The following RANGAP1 variants were observed in gnomAD, a reference collection of about 807,000 sequenced individuals.
The protein encoded by RANGAP1 is Ran GTPase activating protein 1.
A neutral mutation model predicts 63.5 loss-of-function variants in RANGAP1; 38 were observed. The ratio of observed to expected loss-of-function variants is 0.60; its 90% CI spans 0.46 to 0.78. RANGAP1 has a LOEUF of 0.78. Ranked by LOEUF, RANGAP1 falls within the 30% of genes least tolerant of loss-of-function variation. The probability of loss-of-function intolerance (pLI) is 0.00; values close to 1 mark genes in which losing one functional copy is unlikely to be tolerated. For synonymous variants in RANGAP1, 329 were observed against 310.5 expected (o/e 1.06, Z -0.63); for missense variants, 630 against 740.3 (o/e 0.85, Z 1.73).
rs1487555584 is a variant in RANGAP1, at chr22:41,281,000, C to T, written c.45G>A (p.Lys15=). The T allele has an allele frequency of 6.2e-7, 1 of 1,612,782 alleles. No individual in the cohort carries two copies. Among genetic ancestry groups the T allele is most frequent in the African/African-American group, 1.3e-5 (1 of 75,046 alleles). ...TCAGCTGTCCCCCGGCCACCTGAGT[C>T]TTGGCAAGTGTCTCTGCCAGCTTGG... ...DIAKLAETLA[K]TQVAGGQLSF... The change falls in exon 2 of 16, where the codon AAG becomes AAA. Residue 15 remains lysine, a synonymous_variant. Coordinates refer to ENST00000356244, the MANE Select transcript of RANGAP1 (RefSeq NM_002883.4).
At chr22:41,268,251 A>T in intron 3 of RANGAP1, 95 bp from the exon 4 acceptor site, 1 of 1,076,030 alleles carries the variant, frequency 9.3e-7, no homozygotes. Context: ...CCAGAGCATC[A>T]CAAGACTTTT....
chr22:41,266,413 A>C (rs1314067270), intron 4 of RANGAP1, among the ~76,000 whole-genome samples: 1 of 152,220 alleles, frequency 6.6e-6, no homozygotes, highest in Non-Finnish European at 1.5e-5. Flanking sequence ...AACAAAAACC[A>C]AAAGAATACC....
chr22:41,251,331 GAAA>G (rs534163849), intron 12 of RANGAP1, among the ~76,000 whole-genome samples: 253 of 152,296 alleles, frequency 1.7e-3, no homozygotes, highest in Non-Finnish European at 2.8e-3. Context: ...GAACAAGGAT[GAAA>G]AATCATCCCA....
intron 12 of RANGAP1, 96 bp downstream of exon 12, chr22:41,252,776 G>A (rs937398412): frequency 4.0e-5 from 53 of 1,340,748 alleles, no homozygotes; most frequent in Non-Finnish European, 4.7e-5. Flanking sequence ...AGCTGACAGC[G>A]TCGCACCCCC....
At chr22:41,261,688 C>G in intron 5 of RANGAP1, 108 bp from the exon 6 acceptor site, 3 of 1,414,870 alleles carry the variant, frequency 2.1e-6, no homozygotes, top group South Asian at 1.2e-5. Context: ...CCCATCGGTG[C>G]AGGTCAGGGG....
rs201236093 is a variant in RANGAP1, at chr22:41,261,438, C to T, written c.615+8G>A. ...GCTGCAGGGGCAGGATGGACAGAAA[C>T]CACTCACCCTAAAAGCTTCTGCCAA... On this transcript the variant is annotated splice_region_variant and intron_variant, in intron 6 of 15. Transcript: ENST00000356244. 1 of 1,614,168 alleles carries T rather than the reference C, an allele frequency of 6.2e-7. No individual in the cohort carries two copies. Among genetic ancestry groups the T allele is most frequent in the East Asian group, 2.2e-5 (1 of 44,892 alleles).
intron 2 of RANGAP1, 48 bp from the exon 3 acceptor site, chr22:41,274,775 AG>A (rs760575669): frequency 1.2e-6 from 2 of 1,607,672 alleles, no homozygotes; most frequent in South Asian, 2.2e-5. Context: ...AATCACAAAC[AG>A]CTAAGATAGG....
intron 4 of RANGAP1, among the ~76,000 whole-genome samples, 162 bp downstream of exon 4, chr22:41,267,935 A>C (rs920631145): frequency 6.6e-6 from 1 of 152,092 alleles, no homozygotes; most frequent in Non-Finnish European, 1.5e-5. Flanking sequence ...CCCTCCTGTC[A>C]GGACACAGGG....
chr22:41,254,438 T>TCTGGTTCCTCTTCTTCCTCTTCTC lies in RANGAP1; in HGVS notation c.1129_1130insGAGAAGAGGAAGAAGAGGAACCAG (p.Ala376_Glu377insGlyGluGluGluGluGluGluPro), dbSNP rs1428857945. On this transcript the variant is annotated inframe_insertion, in exon 11 of 16. Coordinates refer to ENST00000356244, the MANE Select transcript of RANGAP1 (RefSeq NM_002883.4). Reference sequence around the variant, plus strand: ...TTCCTCATCTTCCTCCTCCTCTTCTTCTGCTTCCTCTTCTTCCTCTTCTCC... The same window carrying TCTGGTTCCTCTTCTTCCTCTTCTC: ...TTCCTCATCTTCCTCCTCCTCTTCTTCTGGTTCCTCTTCTTCCTCTTCTCCTGCTTCCTCTTCTTCCTCTTCTCC... 6.2e-7 allele frequency: 1 copy of TCTGGTTCCTCTTCTTCCTCTTCTC among 1,612,018 alleles called. No homozygotes were observed. Among genetic ancestry groups the TCTGGTTCCTCTTCTTCCTCTTCTC allele is most frequent in the Admixed American group, 1.7e-5 (1 of 59,944 alleles).
intron 10 of RANGAP1, 182 bp from the exon 11 acceptor site, chr22:41,254,676 C>CA (rs2033705324): frequency 6.1e-6 from 6 of 981,650 alleles, no homozygotes; most frequent in Non-Finnish European, 6.0e-6. Context: ...GCTGTGGACA[C>CA]AAAAAAATAA....
At chr22:41,297,146 A>T in the RANGAP1 span, among the ~76,000 whole-genome samples, 4 of 152,194 alleles carry the variant, frequency 2.6e-5, no homozygotes, top group Non-Finnish European at 5.9e-5. Flanking sequence ...TGGGAGGTGG[A>T]GGTTGCAGTG....
At chr22:41,294,602 G>A in the RANGAP1 span, among the ~76,000 whole-genome samples, 1 of 145,440 alleles carries the variant, frequency 6.9e-6, no homozygotes, top group Non-Finnish European at 1.5e-5. Flanking sequence ...CATCTAGGAA[G>A]TGAGGAGCGC....
chr22:41,296,336 A>T, the RANGAP1 span, among the ~76,000 whole-genome samples: 1 of 152,104 alleles, frequency 6.6e-6, no homozygotes. Flanking sequence ...ACTGATTATG[A>T]ATTTAAAAAC....
At chr22:41,298,557 C>T in the RANGAP1 span, among the ~76,000 whole-genome samples, 1 of 151,562 alleles carries the variant, frequency 6.6e-6, no homozygotes, top group African/African-American at 2.4e-5. Flanking sequence ...TCAGGTGATC[C>T]GCCCACCTTG....
chr22:41,284,075 G>A (rs1054223481), intron 1 of RANGAP1, among the ~76,000 whole-genome samples: 2 of 151,438 alleles, frequency 1.3e-5, no homozygotes, highest in Non-Finnish European at 2.9e-5. Flanking sequence ...GGTGAAACCC[G>A]TCTCCACTAA....
upstream of RANGAP1, among the ~76,000 whole-genome samples, chr22:41,290,711 T>C (rs1050976811): frequency 6.6e-6 from 1 of 152,200 alleles, no homozygotes; most frequent in Non-Finnish European, 1.5e-5. Context: ...TTTACTTAAC[T>C]GAGTGTTTTA....
At chr22:41,286,461 C>A (rs896609004), upstream of RANGAP1, among the ~76,000 whole-genome samples, 1 of 152,232 alleles carries the variant, frequency 6.6e-6, no homozygotes, top group Non-Finnish European at 1.5e-5. Flanking sequence ...GGTGTTCAGC[C>A]GGGAGCGCCC....
At chr22:41,269,182 T>C (rs2034652215) in intron 3 of RANGAP1, among the ~76,000 whole-genome samples, 1 of 152,078 alleles carries the variant, frequency 6.6e-6, no homozygotes, top group South Asian at 2.1e-4. Context: ...TGGCCTCAAG[T>C]GATCCTCCCA....
At chr22:41,253,366 C>A (rs574817766) in intron 11 of RANGAP1, among the ~76,000 whole-genome samples, 1 of 152,322 alleles carries the variant, frequency 6.6e-6, no homozygotes, top group East Asian at 1.9e-4. Flanking sequence ...CCTGCTAGCA[C>A]CAGAGGTGCC....
Sources: gnomAD v4.1 joint callset for allele counts (sites outside exome capture counted in the v4.1 genomes callset) on GRCh38, gnomAD v4.1.1 for gene constraint, MANE v1.5 for transcripts, NCBI Gene and HGNC (gene_info 2026-07-23, HGNC 2026-07-21) for gene names.